SLC2A10: variants seen among roughly 807,000 people sequenced by gnomAD.
The protein encoded by SLC2A10 is solute carrier family 2 member 10.
A neutral mutation model predicts 32.1 loss-of-function variants in SLC2A10; 25 were observed. The ratio of observed to expected loss-of-function variants is 0.78; its 90% CI spans 0.57 to 1.09. The LOEUF (loss-of-function observed/expected upper bound fraction) is 1.09. SLC2A10 is among the 50% of genes least tolerant of loss of function. The pLI is 0.00. For synonymous variants in SLC2A10, 332 were observed against 309.6 expected (o/e 1.07, Z -0.76); for missense variants, 673 against 686.5 (o/e 0.98, Z 0.22).
At chr20:46,717,177 A>G (rs1202501294) in intron 1 of SLC2A10, among the ~76,000 whole-genome samples, 1 of 152,204 alleles carries the variant, frequency 6.6e-6, no homozygotes, top group Non-Finnish European at 1.5e-5. Context: ...TGCTCTAAGA[A>G]GAAAGGAAAA....
intron 1 of SLC2A10, among the ~76,000 whole-genome samples, chr20:46,719,575 C>T (rs1033633286): frequency 3.3e-5 from 5 of 152,156 alleles, no homozygotes; most frequent in African/African-American, 1.2e-4. Flanking sequence ...TTCACTACCA[C>T]GAAACAGTAT....
At chr20:46,722,147 A>G (rs1315291300) in intron 1 of SLC2A10, among the ~76,000 whole-genome samples, 1 of 152,180 alleles carries the variant, frequency 6.6e-6, no homozygotes, top group Non-Finnish European at 1.5e-5. Flanking sequence ...AAAAAACCAG[A>G]TCTGGCAGTT....
intron 1 of SLC2A10, among the ~76,000 whole-genome samples, chr20:46,711,886 A>T (rs1301891922): frequency 6.6e-6 from 1 of 152,190 alleles, no homozygotes; most frequent in Non-Finnish European, 1.5e-5. Flanking sequence ...AATGAATTAC[A>T]GTGCTCGGCT....
At position 46,725,830 on chromosome 20, in the gene SLC2A10, G is replaced by A. The variant is rs863223731; in HGVS notation, c.794G>A (p.Gly265Glu). Residue 265 changes from glycine to glutamate, a missense_variant, in exon 2 of 5, where the codon GGG becomes GAG. Physicochemically the swap from Gly to Glu is moderately conservative, Grantham distance 98. Transcript: ENST00000359271. The part of the protein sequence containing the change: ...STIFSSVGFH[G>E]GSSAVLASVG... ...ATCTTCAGCTCCGTTGGTTTCCATG[G>A]GGGATCCTCAGCCGTGCTGGCCTCT... 1.9e-6 allele frequency: 3 copies of A among 1,614,236 alleles called. No individual in the cohort carries two copies. The highest frequency in any genetic ancestry group is 1.6e-4 in the Middle Eastern group (1 of 6,062).
intron 1 of SLC2A10, among the ~76,000 whole-genome samples, chr20:46,722,287 G>A (rs1600663953): frequency 6.6e-6 from 1 of 152,122 alleles, no homozygotes; most frequent in South Asian, 2.1e-4. Context: ...GGAGCTGAGA[G>A]GCCAAAGAAA....
At chr20:46,721,438 A>C (rs534652267) in intron 1 of SLC2A10, among the ~76,000 whole-genome samples, 145 of 135,720 alleles carry the variant, frequency 1.1e-3, no homozygotes, top group African/African-American at 3.7e-3. Flanking sequence ...CTCAATTAGC[A>C]AAAAAAAAAA....
intron 4 of SLC2A10, among the ~76,000 whole-genome samples, chr20:46,733,076 T>C (rs1050564589): frequency 6.6e-6 from 1 of 152,132 alleles, no homozygotes; most frequent in Non-Finnish European, 1.5e-5. Context: ...TCTGAGCAGA[T>C]GTATTAGTCC....
Position 46,729,560 on chromosome 20 carries a change from G to C in SLC2A10, c.1547+72G>C, listed in dbSNP as rs571176077. On this transcript the variant is annotated intron_variant, in intron 4 of 4. Coordinates refer to ENST00000359271, the MANE Select transcript of SLC2A10 (RefSeq NM_030777.4). ...CCAAGCACACAGCTTCAGGATTTTA[G>C]TCTTTGTGCTTTCCTTTTGCAAGCG... 1,245 of 1,527,698 alleles carry C rather than the reference G, an allele frequency of 8.1e-4. 6 individuals are homozygous for C. Among genetic ancestry groups the C allele is most frequent in the Middle Eastern group, 2.3e-3 (12 of 5,220 alleles). The allele number at this position is 1,527,698 out of a possible 1,614,324, so 94.6% of individuals were successfully genotyped here. A position where few individuals can be genotyped will look rare whatever the true frequency, so the allele number is the denominator to read the frequency against.
At chr20:46,709,496 C>T, upstream of SLC2A10, 2 of 457,888 alleles carry the variant, frequency 4.4e-6, no homozygotes, top group Non-Finnish European at 7.6e-6. Context: ...GGGAGGGGGT[C>T]CTTGCCAGGC....
intron 1 of SLC2A10, 76 bp from the exon 2 acceptor site, chr20:46,724,965 T>C: frequency 6.2e-7 from 1 of 1,601,530 alleles, no homozygotes; most frequent in Non-Finnish European, 8.5e-7. Flanking sequence ...TGTTGACAGA[T>C]GGAGGGAAGG....
intron 1 of SLC2A10, among the ~76,000 whole-genome samples, chr20:46,713,291 AAAC>A (rs1288687111): frequency 6.6e-6 from 1 of 152,056 alleles, no homozygotes; most frequent in Non-Finnish European, 1.5e-5. Flanking sequence ...CACGCAGAAA[AAAC>A]AAGTGGAGAA....
At chr20:46,726,373 A>AG in intron 2 of SLC2A10, 49 bp downstream of exon 2, 1 of 1,591,834 alleles carries the variant, frequency 6.3e-7, no homozygotes. Context: ...TACCCCTCCT[A>AG]GGGGGAAGTT....
chr20:46,723,370 C>T lies in SLC2A10; in HGVS notation c.5-1671C>T, dbSNP rs544970051. On this transcript the variant is annotated intron_variant, in intron 1 of 4. Transcript: ENST00000359271. Reference sequence around the variant, plus strand: ...TGTCCCACCAAAAAAACTCCCTCTTCCATCTTAGTAGCCACCAATAGCTGT... The same window carrying T: ...TGTCCCACCAAAAAAACTCCCTCTTTCATCTTAGTAGCCACCAATAGCTGT... Among the ~76,000 whole-genome samples, 5 of 152,252 alleles carry T rather than the reference C, an allele frequency of 3.3e-5. No individual in the cohort carries two copies. The East Asian group carries it at 9.7e-4, about 29-fold the overall frequency.
intron 3 of SLC2A10, among the ~76,000 whole-genome samples, chr20:46,727,260 G>A (rs529868937): frequency 6.6e-6 from 1 of 152,208 alleles, no homozygotes; most frequent in African/African-American, 2.4e-5. Context: ...GCTCCAAACT[G>A]GCTTAAACTG....
chr20:46,710,404 T>C (rs1334997181), intron 1 of SLC2A10: 1 of 201,622 alleles, frequency 5.0e-6, no homozygotes, highest in African/African-American at 2.3e-5. Context: ...GCTTCAGCAA[T>C]GAACAAAATA....
chr20:46,727,597 T>C (rs1417283731), intron 3 of SLC2A10, among the ~76,000 whole-genome samples: 1 of 152,200 alleles, frequency 6.6e-6, no homozygotes, highest in Non-Finnish European at 1.5e-5. Flanking sequence ...ATTACGGGCA[T>C]GAGCCACCGT....
chr20:46,725,868 G>T lies in SLC2A10; in HGVS notation c.832G>T (p.Ala278Ser). The T allele has an allele frequency of 1.9e-6, 3 of 1,614,236 alleles. No individual in the cohort carries two copies. The highest frequency in any genetic ancestry group is 2.5e-6 in the Non-Finnish European group (3 of 1,180,042). Residue 278 changes from alanine (A) to serine (S), a missense_variant, in exon 2 of 5, where the codon GCA becomes TCA. Physicochemically the swap from Ala to Ser is moderately conservative, Grantham distance 99. Coordinates refer to ENST00000359271, the MANE Select transcript of SLC2A10 (RefSeq NM_030777.4). ...CGTGCTGGCCTCTGTGGGGCTTGGC[G>T]CAGTGAAGGTGGCAGCTACCCTGAC... ...SAVLASVGLG[A>S]VKVAATLTAM...
chr20:46,708,501 A>T (rs976194477), upstream of SLC2A10, among the ~76,000 whole-genome samples: 2 of 152,182 alleles, frequency 1.3e-5, no homozygotes, highest in Admixed American at 6.5e-5. Context: ...CACACAGCCA[A>T]GACAGAACTC....
intron 1 of SLC2A10, among the ~76,000 whole-genome samples, chr20:46,724,319 A>G (rs6017998): frequency 0.45 from 68,699 of 152,096 alleles, 16,074 homozygotes; most frequent in East Asian, 0.69. Flanking sequence ...AAATAAATTT[A>G]GATGGATGGA....
Sources: allele counts gnomAD v4.1 joint callset (sites outside exome capture counted in the v4.1 genomes callset), GRCh38; gene constraint gnomAD v4.1.1; transcripts MANE v1.5; gene names NCBI Gene and HGNC (gene_info 2026-07-23, HGNC 2026-07-21).